Variants in LNPK observed in about 807,000 individuals in gnomAD.
The protein encoded by LNPK is endoplasmic reticulum junction formation protein lunapark.
LNPK carries 29 observed loss-of-function variants against 55.2 expected under a neutral mutation model. That is an observed-to-expected ratio of 0.53 (90% confidence interval 0.39 to 0.72). The LOEUF (loss-of-function observed/expected upper bound fraction) is 0.72, where lower values mean the gene tolerates loss of function less well. Among genes scored for constraint, LNPK ranks in the 30% least tolerant of loss-of-function variants. LNPK has a pLI of 0.00. For missense variants in LNPK, 467 were observed against 494.8 expected (o/e 0.94, Z 0.53); for synonymous variants, 162 against 168.2 (o/e 0.96, Z 0.29).
At chr2:175,974,828 C>T (rs1476438180) in intron 5 of LNPK, among the ~76,000 whole-genome samples, 1 of 151,760 alleles carries the variant, frequency 6.6e-6, no homozygotes, top group Non-Finnish European at 1.5e-5. Context: ...ACAGGTAATA[C>T]CTATTAAAAT....
At chr2:175,956,610 A>C (rs1385905690) in intron 8 of LNPK, among the ~76,000 whole-genome samples, 1 of 152,206 alleles carries the variant, frequency 6.6e-6, no homozygotes, top group Non-Finnish European at 1.5e-5. Flanking sequence ...TGCTTTGAAA[A>C]TGTGAAAACA....
chr2:175,967,924 A>T (rs920504519), intron 6 of LNPK, among the ~76,000 whole-genome samples: 5 of 152,206 alleles, frequency 3.3e-5, no homozygotes, highest in African/African-American at 1.2e-4. Context: ...AAAATTGCCA[A>T]TTTAAAGACT....
chr2:175,998,049 CT>C (rs942010376), intron 1 of LNPK, among the ~76,000 whole-genome samples: 20 of 151,900 alleles, frequency 1.3e-4, no homozygotes, highest in African/African-American at 4.4e-4. Flanking sequence ...GGCCCAAATA[CT>C]TTATATTAAT....
intron 6 of LNPK, among the ~76,000 whole-genome samples, chr2:175,966,341 G>C (rs1253534199): frequency 6.6e-6 from 1 of 152,332 alleles, no homozygotes; most frequent in South Asian, 2.1e-4. Context: ...TGGGATTACA[G>C]GTGTGAGCCA....
chr2:175,985,700 T>C (rs915573044), intron 4 of LNPK, among the ~76,000 whole-genome samples: 3 of 152,320 alleles, frequency 2.0e-5, no homozygotes, highest in East Asian at 1.9e-4. Context: ...TATAAATACA[T>C]ACCATGTAGG....
At chr2:175,966,241 T>C (rs1047478719) in intron 6 of LNPK, among the ~76,000 whole-genome samples, 2 of 152,176 alleles carry the variant, frequency 1.3e-5, no homozygotes, top group African/African-American at 4.8e-5. Context: ...TTTTTGTATT[T>C]TTAGTAGAGA....
chr2:175,989,418 T>G (rs1687584819), intron 4 of LNPK, among the ~76,000 whole-genome samples: 1 of 152,088 alleles, frequency 6.6e-6, no homozygotes. Flanking sequence ...GTCTCTAAAA[T>G]TACAGAGAAT....
intron 9 of LNPK, among the ~76,000 whole-genome samples, chr2:175,946,123 A>G (rs1685110917): frequency 6.6e-6 from 1 of 152,232 alleles, no homozygotes; most frequent in Non-Finnish European, 1.5e-5. Context: ...TTATATTTAC[A>G]TGATCATAAA....
chr2:175,941,206 G>A (rs1029421834), intron 9 of LNPK: 13 of 263,626 alleles, frequency 4.9e-5, no homozygotes, highest in East Asian at 1.3e-4. Context: ...AGCCATGATC[G>A]TACCACTGCA....
intron 8 of LNPK, among the ~76,000 whole-genome samples, chr2:175,960,427 A>G (rs1361754060): frequency 6.6e-6 from 1 of 152,184 alleles, no homozygotes; most frequent in African/African-American, 2.4e-5. Flanking sequence ...ACACAACTAC[A>G]TGGAAACTGA....
intron 9 of LNPK, among the ~76,000 whole-genome samples, chr2:175,941,932 C>T (rs908428952): frequency 4.9e-5 from 7 of 142,344 alleles, no homozygotes; most frequent in Admixed American, 6.9e-5. Flanking sequence ...AACCAGAAAA[C>T]GATGAAACAG....
intron 8 of LNPK, among the ~76,000 whole-genome samples, chr2:175,960,029 G>A (rs149456633): frequency 0.04 from 6,075 of 152,158 alleles, 163 homozygotes; most frequent in Non-Finnish European, 0.06. Flanking sequence ...AAATATATAT[G>A]CACCCAACAC....
intron 8 of LNPK, among the ~76,000 whole-genome samples, chr2:175,961,104 C>A (rs903667296): frequency 6.6e-6 from 1 of 152,276 alleles, no homozygotes; most frequent in African/African-American, 2.4e-5. Context: ...CAAATGAATT[C>A]ACAGCTGAAT....
Position 175,929,944 on chromosome 2 carries a change from T to C in LNPK, c.*23A>G, listed in dbSNP as rs367859610. On this transcript the variant is annotated 3_prime_UTR_variant, in exon 13 of 13. Coordinates refer to ENST00000272748, the MANE Select transcript of LNPK (RefSeq NM_030650.3). ...CATCAGTAAGACTATAAATATCCAG[T>C]TGAAGGCACGTGGAAGCATTTACTA... is the stretch of plus-strand genomic sequence containing the variant. 12 of 1,612,752 alleles carry C rather than the reference T, an allele frequency of 7.4e-6. No homozygotes were observed. Among genetic ancestry groups the C allele is most frequent in the African/African-American group, 2.7e-5 (2 of 74,846 alleles).
At chr2:175,977,232 C>T (rs1686951050) in intron 5 of LNPK, among the ~76,000 whole-genome samples, 1 of 152,144 alleles carries the variant, frequency 6.6e-6, no homozygotes, top group South Asian at 2.1e-4. Flanking sequence ...AATAAAATCA[C>T]CTAGAGATGT....
intron 6 of LNPK, among the ~76,000 whole-genome samples, chr2:175,966,256 G>A (rs886080449): frequency 2.0e-5 from 3 of 152,164 alleles, no homozygotes; most frequent in African/African-American, 7.2e-5. Context: ...TAGAGACGAG[G>A]TTTCGCCATG....
chr2:176,002,430 C>T (rs1688208694), upstream of LNPK: 2 of 334,430 alleles, frequency 6.0e-6, no homozygotes, highest in Non-Finnish European at 1.2e-5. Context: ...GTGGCCTCCG[C>T]AGCCAGCTTA....
intron 8 of LNPK, among the ~76,000 whole-genome samples, chr2:175,960,790 C>T (rs1225618104): frequency 1.3e-5 from 2 of 151,870 alleles, no homozygotes. Context: ...TTGAAAAGAC[C>T]AGCAAAATAG....
chr2:175,958,315 C>T (rs1377516937), intron 8 of LNPK, among the ~76,000 whole-genome samples: 5 of 152,236 alleles, frequency 3.3e-5, no homozygotes, highest in Middle Eastern at 3.4e-3. Flanking sequence ...CAGTAGGGGT[C>T]GACCGACACC....
Sources: allele counts gnomAD v4.1 joint callset (sites outside exome capture counted in the v4.1 genomes callset), GRCh38; gene constraint gnomAD v4.1.1; transcripts MANE v1.5; gene names NCBI Gene and HGNC (gene_info 2026-07-23, HGNC 2026-07-21).